The following PCBP3 variants were observed in gnomAD, a reference collection of about 807,000 sequenced individuals.
PCBP3 encodes the protein poly(rC)-binding protein 3.
In PCBP3, 25 loss-of-function variants were observed where a neutral mutation model predicts 52.7. The ratio of observed to expected loss-of-function variants is 0.47; its 90% CI spans 0.35 to 0.66. PCBP3 has a LOEUF of 0.66. Ranked by LOEUF, PCBP3 falls within the 30% of genes least tolerant of loss-of-function variation. The probability of loss-of-function intolerance (pLI) is 0.01; values close to 1 mark genes in which losing one functional copy is unlikely to be tolerated. For missense variants in PCBP3, 391 were observed against 490.3 expected (o/e 0.80, Z 1.91); for synonymous variants, 162 against 183.0 (o/e 0.89, Z 0.93).
intron 11 of PCBP3, 99 bp downstream of exon 11, chr21:45,911,129 A>C: frequency 2.2e-6 from 3 of 1,387,586 alleles, no homozygotes; most frequent in Non-Finnish European, 3.0e-6. Flanking sequence ...CCAAGGACTC[A>C]CACAGTTGGG....
intron 5 of PCBP3, among the ~76,000 whole-genome samples, chr21:45,860,963 G>T (rs572106407): frequency 6.6e-6 from 1 of 152,180 alleles, no homozygotes; most frequent in African/African-American, 2.4e-5. Context: ...GAGCAGGGCC[G>T]CTCTGTACCT....
At chr21:45,684,055 CAAAAAAAAAA>C (rs71334088) in intron 2 of PCBP3, among the ~76,000 whole-genome samples, 5 of 78,448 alleles carry the variant, frequency 6.4e-5, no homozygotes, top group South Asian at 4.2e-4. Context: ...CCCATCTCTA[CAAAAAAAAAA>C]AAAAAAAAAA....
chr21:45,691,458 G>GTA (rs201283940), intron 2 of PCBP3, among the ~76,000 whole-genome samples: 493 of 18,064 alleles, frequency 0.027, 1 homozygote, highest in African/African-American at 0.24. Context: ...ATGTATGTAT[G>GTA]TGTGTGTGTG....
At chr21:45,657,230 G>A (rs2080079554) in intron 1 of PCBP3, among the ~76,000 whole-genome samples, 1 of 151,992 alleles carries the variant, frequency 6.6e-6, no homozygotes, top group Non-Finnish European at 1.5e-5. Flanking sequence ...TTAAGACATT[G>A]CTTAATCCTA....
chr21:45,907,127 T>C (rs912893438), intron 9 of PCBP3, among the ~76,000 whole-genome samples: 17 of 152,248 alleles, frequency 1.1e-4, no homozygotes, highest in African/African-American at 3.4e-4. Context: ...GTCTCAGTTG[T>C]TCTTTCTGGG....
At chr21:45,927,508 G>A (rs1242249636) in intron 13 of PCBP3, among the ~76,000 whole-genome samples, 3 of 150,284 alleles carry the variant, frequency 2.0e-5, no homozygotes, top group Admixed American at 2.0e-4. Flanking sequence ...TTTAAAAAAT[G>A]TGGAAATTGA....
intron 4 of PCBP3, among the ~76,000 whole-genome samples, chr21:45,820,518 C>T (rs1056590242): frequency 6.6e-6 from 1 of 152,204 alleles, no homozygotes; most frequent in African/African-American, 2.4e-5. Flanking sequence ...GCGGGCCACA[C>T]GGTCTGCAGT....
chr21:45,919,142 G>T (rs1189984131), intron 13 of PCBP3: 1 of 147,588 alleles, frequency 6.8e-6, no homozygotes. Flanking sequence ...AGAGACAGAC[G>T]GCCCCACCGG....
chr21:45,813,504 C>T (rs552802368), intron 4 of PCBP3, among the ~76,000 whole-genome samples: 7 of 152,274 alleles, frequency 4.6e-5, no homozygotes, highest in South Asian at 2.1e-4. Flanking sequence ...TGCAGTGGCA[C>T]GATCTCAGCT....
chr21:45,823,557 G>T (rs2093212372), intron 4 of PCBP3, among the ~76,000 whole-genome samples: 1 of 152,058 alleles, frequency 6.6e-6, no homozygotes, highest in Non-Finnish European at 1.5e-5. Context: ...CACACAGTGT[G>T]TGGGCTTGGC....
rs958502430 is a variant in PCBP3, at chr21:45,805,714, G to T, written c.-125-44247G>T. On this transcript the variant is annotated intron_variant, in intron 4 of 17. Coordinates refer to ENST00000681687, the MANE Select transcript of PCBP3 (RefSeq NM_001384156.1). The surrounding 1 kb of genome is among the most constrained non-coding windows in gnomAD (Gnocchi z 4.6). ...GCTGGCAGCTCATCCCTGCACCTGA[G>T]CTTGCAGGCATGCTCCTGTCTTTCT... is the stretch of plus-strand genomic sequence containing the variant. Among the ~76,000 whole-genome samples, 3 of 152,214 alleles carry T rather than the reference G, an allele frequency of 2.0e-5. No individual in the cohort carries two copies. The highest frequency in any genetic ancestry group is 4.4e-5 in the Non-Finnish European group (3 of 68,042).
At chr21:45,823,222 G>A (rs2093199082) in intron 4 of PCBP3, among the ~76,000 whole-genome samples, 1 of 152,174 alleles carries the variant, frequency 6.6e-6, no homozygotes, top group South Asian at 2.1e-4. Context: ...TGACCCCTCA[G>A]GTCAGTCACC....
chr21:45,867,048 C>G (rs141373931), intron 5 of PCBP3, among the ~76,000 whole-genome samples: 5 of 152,204 alleles, frequency 3.3e-5, no homozygotes, highest in Admixed American at 3.3e-4. Context: ...TGAAAGACAT[C>G]GGTCATTGAG....
At chr21:45,671,766 G>A (rs2081189206) in intron 2 of PCBP3, among the ~76,000 whole-genome samples, 1 of 152,198 alleles carries the variant, frequency 6.6e-6, no homozygotes, top group African/African-American at 2.4e-5. Context: ...CTGGAGTGAG[G>A]TTAAAGCTGT....
chr21:45,850,648 C>T (rs1444953802), intron 5 of PCBP3, among the ~76,000 whole-genome samples: 4 of 152,038 alleles, frequency 2.6e-5, no homozygotes, highest in African/African-American at 9.7e-5. Flanking sequence ...AGAAGTAGGT[C>T]ACCAAAAAAT....
intron 1 of PCBP3, among the ~76,000 whole-genome samples, chr21:45,663,342 G>A (rs2080548598): frequency 6.6e-6 from 1 of 151,932 alleles, no homozygotes; most frequent in Non-Finnish European, 1.5e-5. Flanking sequence ...CACTACTGGT[G>A]TCCGCGTCTT....
chr21:45,876,022 G>T (rs999010198), intron 5 of PCBP3, among the ~76,000 whole-genome samples: 3 of 152,184 alleles, frequency 2.0e-5, no homozygotes, highest in South Asian at 2.1e-4. Flanking sequence ...GAATGTTCCC[G>T]CTGGACCCTT....
At chr21:45,795,304 T>G (rs1276892389) in intron 4 of PCBP3, among the ~76,000 whole-genome samples, 3 of 141,572 alleles carry the variant, frequency 2.1e-5, no homozygotes, top group South Asian at 4.2e-4. Flanking sequence ...GACACTTGTC[T>G]TCTTCTTTTT....
intron 3 of PCBP3, among the ~76,000 whole-genome samples, chr21:45,740,620 TA>T (rs1330668473): frequency 4.7e-5 from 4 of 85,950 alleles, no homozygotes; most frequent in African/African-American, 2.0e-4. Flanking sequence ...GTGGTGTGTG[TA>T]GTGTGTGTGT....
Sources: allele counts gnomAD v4.1 joint callset (sites outside exome capture counted in the v4.1 genomes callset), GRCh38; gene constraint gnomAD v4.1.1; non-coding constraint Gnocchi (gnomAD v3.1); transcripts MANE v1.5; gene names NCBI Gene and HGNC (gene_info 2026-07-23, HGNC 2026-07-21).